DDX23: variants seen among roughly 807,000 people sequenced by gnomAD.
The protein encoded by DDX23 is probable ATP-dependent RNA helicase DDX23.
DDX23 carries 33 observed loss-of-function variants against 102.7 expected under a neutral mutation model. The observed-to-expected ratio is 0.32, with a 90% CI of 0.24 to 0.43. The LOEUF (loss-of-function observed/expected upper bound fraction) is 0.43. Among genes scored for constraint, DDX23 ranks in the 20% least tolerant of loss-of-function variants. The pLI is 1.00. For missense variants in DDX23, 549 were observed against 1,086.6 expected (o/e 0.51, Z 6.96); for synonymous variants, 352 against 376.0 (o/e 0.94, Z 0.74).
chr12:48,830,259 T>G lies in DDX23; in HGVS notation c.*210A>C. 1.4e-6 allele frequency: 1 copy of G among 690,296 alleles called. No individual in the cohort carries two copies. The allele number at this position is 690,296 out of a possible 1,614,324, so 42.8% of individuals were successfully genotyped here. ...ACTGGGCCAAGAAGCTGTGGTAATTTGCTCTCCCTGCCTCCGACAGCGTCG... is the reference window on the plus strand; with the variant it reads ...ACTGGGCCAAGAAGCTGTGGTAATTGGCTCTCCCTGCCTCCGACAGCGTCG... On this transcript the variant is annotated 3_prime_UTR_variant, in exon 17 of 17. Coordinates refer to ENST00000308025, the MANE Select transcript of DDX23 (RefSeq NM_004818.3). The surrounding 1 kb of genome is among the most constrained non-coding windows in gnomAD (Gnocchi z 4.9).
chr12:48,847,519 A>G (rs1938687095), intron 1 of DDX23, among the ~76,000 whole-genome samples: 1 of 151,874 alleles, frequency 6.6e-6, no homozygotes, highest in Non-Finnish European at 1.5e-5. Context: ...TTTCAAAAAA[A>G]AAAAAAAAGA....
intron 3 of DDX23, 66 bp downstream of exon 3, chr12:48,843,874 G>A: frequency 1.3e-6 from 2 of 1,552,550 alleles, no homozygotes; most frequent in Non-Finnish European, 1.8e-6. Flanking sequence ...AAGAAGCTGA[G>A]CAAACTCAGG....
At chr12:48,844,108 G>T in intron 2 of DDX23, 58 bp from the exon 3 acceptor site, 1 of 1,522,162 alleles carries the variant, frequency 6.6e-7, no homozygotes, top group Non-Finnish European at 9.1e-7. Context: ...TTGCTTCACT[G>T]CAGCCCTGAG....
chr12:48,832,650 C>G lies in DDX23; in HGVS notation c.1804-77G>C. 1 of 1,545,490 alleles carries G rather than the reference C, an allele frequency of 6.5e-7. No homozygotes were observed. Among genetic ancestry groups the G allele is most frequent in the Non-Finnish European group, 8.8e-7 (1 of 1,141,648 alleles). ...CCCACTGTCACCGAAGGCAGGTCAG[C>G]CCAGACTAAAGAATCTAAAATGGGC... On this transcript the variant is annotated intron_variant, in intron 13 of 16. Transcript: ENST00000308025. This position sits in a 1 kb window ranked among gnomAD's most constrained non-coding sequence, Gnocchi z 4.4.
At chr12:48,834,172 C>A in intron 12 of DDX23, 148 bp downstream of exon 12, 1 of 647,694 alleles carries the variant, frequency 1.5e-6, no homozygotes, top group East Asian at 2.8e-5. Flanking sequence ...GTGATATAAA[C>A]CCTGGTGCAT....
rs192442014 is a variant in DDX23, at chr12:48,834,848, C to T, written c.1383-351G>A. 77 of 199,066 alleles carry T rather than the reference C, an allele frequency of 3.9e-4. 2 individuals carry two copies. The East Asian group carries it at 9.4e-3, about 24-fold the overall frequency. The allele number at this position is 199,066 out of a possible 1,614,324, so 12.3% of individuals were successfully genotyped here. A position where few individuals can be genotyped will look rare whatever the true frequency, so the allele number is the denominator to read the frequency against. ...ACTCGGGAGGCTGAGGCAGAAGAATCGCTTGAACCCAGGAGACAGAGGTTG... is the reference window on the plus strand; with the variant it reads ...ACTCGGGAGGCTGAGGCAGAAGAATTGCTTGAACCCAGGAGACAGAGGTTG... On this transcript the variant is annotated intron_variant, in intron 11 of 16. Coordinates refer to ENST00000308025, the MANE Select transcript of DDX23 (RefSeq NM_004818.3).
At position 48,836,533 on chromosome 12, in the gene DDX23, A is replaced by G. The variant is rs1202840393; in HGVS notation, c.1236+36T>C. ...TCTATTCCCAAACTAGTGTAGGAACATGTCAGATCTCTTGGGCCAATCTAT... is the reference window on the plus strand; with the variant it reads ...TCTATTCCCAAACTAGTGTAGGAACGTGTCAGATCTCTTGGGCCAATCTAT... On this transcript the variant is annotated intron_variant, in intron 10 of 16. Coordinates refer to ENST00000308025, the MANE Select transcript of DDX23 (RefSeq NM_004818.3). This position sits in a 1 kb window ranked among gnomAD's most constrained non-coding sequence, Gnocchi z 6.1. 6.3e-6 allele frequency: 10 copies of G among 1,590,314 alleles called. No individual in the cohort carries two copies. The highest frequency in any genetic ancestry group is 1.7e-5 in the Admixed American group (1 of 59,784).
At chr12:48,842,300 C>T (rs1316460231) in intron 3 of DDX23, among the ~76,000 whole-genome samples, 2 of 145,852 alleles carry the variant, frequency 1.4e-5, no homozygotes, top group South Asian at 2.2e-4. Context: ...CCCGGCCAGC[C>T]GCCCTGTCCG....
At chr12:48,850,855 G>T (rs2453484) in intron 1 of DDX23, among the ~76,000 whole-genome samples, 12,343 of 152,266 alleles carry the variant, frequency 0.081, 681 homozygotes, top group Middle Eastern at 0.12. Context: ...AGCTGTTTCA[G>T]TTGCATTGCG....
chr12:48,830,701 T>C lies in DDX23; in HGVS notation c.2240-9A>G, dbSNP rs748209810. 3 of 1,596,090 alleles carry C rather than the reference T, an allele frequency of 1.9e-6. No homozygotes were observed. Among genetic ancestry groups the C allele is most frequent in the South Asian group, 2.3e-5 (2 of 87,194 alleles). On this transcript the variant is annotated splice_polypyrimidine_tract_variant and intron_variant, in intron 16 of 16. Transcript: ENST00000308025. The surrounding 1 kb of genome is among the most constrained non-coding windows in gnomAD (Gnocchi z 4.9). Reference sequence around the variant, plus strand: ...AATGCGGTGGATGTAATCTGGGGAATGGGAAGAACGTCACTCAGCATAGCC... The same window carrying C: ...AATGCGGTGGATGTAATCTGGGGAACGGGAAGAACGTCACTCAGCATAGCC...
At chr12:48,844,240 C>T (rs574341906) in intron 2 of DDX23, among the ~76,000 whole-genome samples, 190 bp from the exon 3 acceptor site, 1 of 152,254 alleles carries the variant, frequency 6.6e-6, no homozygotes, top group East Asian at 1.9e-4. Flanking sequence ...TAAATATTAA[C>T]GGCAATGACA....
At chr12:48,841,457 C>CT (rs1333646329) in intron 3 of DDX23, among the ~76,000 whole-genome samples, 8 of 152,140 alleles carry the variant, frequency 5.3e-5, no homozygotes, top group African/African-American at 1.7e-4. Context: ...CCCCTCTCCC[C>CT]TCTCCCCACG....
intron 1 of DDX23, among the ~76,000 whole-genome samples, chr12:48,850,480 G>T (rs10875880): frequency 6.6e-6 from 1 of 152,100 alleles, no homozygotes; most frequent in South Asian, 2.1e-4. Flanking sequence ...ACTTAGGGGA[G>T]AGGGTCTGTA....
intron 3 of DDX23, among the ~76,000 whole-genome samples, chr12:48,842,654 G>A (rs1592203452): frequency 3.6e-5 from 5 of 138,818 alleles, no homozygotes; most frequent in South Asian, 2.4e-4. Flanking sequence ...CCGGCCAGCC[G>A]CCCCGTCCGG....
chr12:48,837,733 G>A (rs757689325), intron 6 of DDX23, 76 bp from the exon 7 acceptor site: 58 of 1,582,286 alleles, frequency 3.7e-5, no homozygotes, highest in South Asian at 4.6e-5. Flanking sequence ...GAATCCAGAC[G>A]AGGAACCCCA....
At chr12:48,831,872 G>A in intron 15 of DDX23, 1 of 588,008 alleles carries the variant, frequency 1.7e-6, no homozygotes, top group Non-Finnish European at 3.0e-6. Flanking sequence ...AGCTTTGGCT[G>A]GCATTACTGC....
At chr12:48,846,283 A>G (rs1938666033) in intron 1 of DDX23, among the ~76,000 whole-genome samples, 1 of 152,148 alleles carries the variant, frequency 6.6e-6, no homozygotes, top group African/African-American at 2.4e-5. Context: ...TTATATATTC[A>G]TTTCTAAATA....
rs1329681043 is a variant in DDX23 at position 48,830,888 on chromosome 12, C to T, written c.2240-196G>A. On this transcript the variant is annotated intron_variant, in intron 16 of 16. Transcript: ENST00000308025. The surrounding 1 kb of genome is among the most constrained non-coding windows in gnomAD (Gnocchi z 4.9). ...CCTGTCCTCCTACTGACTGTGGTCC[C>T]TACCACACTAAGACCCACAGCTGCC... Among the ~76,000 whole-genome samples the T allele has an allele frequency of 6.6e-6, 1 of 152,182 alleles. No individual in the cohort carries two copies. Among genetic ancestry groups the T allele is most frequent in the African/African-American group, 2.4e-5 (1 of 41,446 alleles).
In DDX23 at chr12:48,843,508, C is replaced by T. The variant is rs117512270; in HGVS notation, c.320+432G>A. 9.1e-3 allele frequency among the ~76,000 whole-genome samples: 1,364 copies of T among 150,652 alleles called. 12 individuals are homozygous for T. The highest frequency in any genetic ancestry group is 0.015 in the Non-Finnish European group (1,044 of 67,702). ...AAGAAAGAGAGCTCTGTAATAACTA[C>T]CAACAGAATCTGTTAAGAGAAATCT... On this transcript the variant is annotated intron_variant, in intron 3 of 16. Coordinates refer to ENST00000308025, the MANE Select transcript of DDX23 (RefSeq NM_004818.3).
Sources: gnomAD v4.1 joint callset for allele counts (sites outside exome capture counted in the v4.1 genomes callset) on GRCh38, gnomAD v4.1.1 for gene constraint, Gnocchi (gnomAD v3.1) non-coding constraint, MANE v1.5 for transcripts, NCBI Gene and HGNC (gene_info 2026-07-23, HGNC 2026-07-21) for gene names.